Variants in SLC30A7 observed in about 807,000 individuals in gnomAD.
SLC30A7 encodes solute carrier family 30 member 7.
In SLC30A7, 35 loss-of-function variants were observed where a neutral mutation model predicts 46.0. The observed-to-expected ratio is 0.76, with a 90% CI of 0.58 to 1.01. The LOEUF is 1.01. Among genes scored for constraint, SLC30A7 ranks in the 50% least tolerant of loss-of-function variants. The pLI, the probability that SLC30A7 is intolerant of heterozygous loss-of-function variation, is 0.00. For synonymous variants in SLC30A7, 147 were observed against 157.8 expected, an observed-to-expected ratio of 0.93 and a Z score of 0.51; for missense variants, 464 against 451.1, an observed-to-expected ratio of 1.03 and a Z score of -0.26.
At chr1:100,916,186 TA>T (rs1283478812) in intron 6 of SLC30A7, among the ~76,000 whole-genome samples, 1 of 151,960 alleles carries the variant, frequency 6.6e-6, no homozygotes, top group African/African-American at 2.4e-5. Flanking sequence ...TCTTATTATT[TA>T]TTTATTTATT....
chr1:100,958,718 A>G (rs1421921016), intron 8 of SLC30A7, among the ~76,000 whole-genome samples: 1 of 152,228 alleles, frequency 6.6e-6, no homozygotes, highest in Non-Finnish European at 1.5e-5. Flanking sequence ...TAACAGATTC[A>G]GCTACAAATT....
intron 8 of SLC30A7, among the ~76,000 whole-genome samples, chr1:100,940,792 T>C (rs1025044161): frequency 5.3e-5 from 8 of 152,224 alleles, no homozygotes; most frequent in Non-Finnish European, 1.2e-4. Flanking sequence ...CCACAGAACA[T>C]AAACTAAGAT....
chr1:100,966,628 CAG>C (rs1655893763), intron 10 of SLC30A7, among the ~76,000 whole-genome samples: 1 of 151,672 alleles, frequency 6.6e-6, no homozygotes, highest in South Asian at 2.1e-4. Context: ...CGAACACAGA[CAG>C]AGTCAAGTTT....
In SLC30A7 at chr1:100,913,691, T is replaced by G; in HGVS notation, c.540T>G (p.Asn180Lys). The change falls in exon 6 of 11, where the codon AAT (asparagine) becomes AAG (lysine). Residue 180 changes from asparagine to lysine, a missense_variant. Physicochemically the swap from Asn to Lys is moderately conservative, Grantham distance 94. Coordinates refer to ENST00000357650, the MANE Select transcript of SLC30A7 (RefSeq NM_133496.5). ...ACGGACACAGTCATTCCCTCTTTAATGGTGCTCTAGATCAGGCACATGGCC... is the reference window on the plus strand; with the variant it reads ...ACGGACACAGTCATTCCCTCTTTAAGGGTGCTCTAGATCAGGCACATGGCC... The part of the protein sequence containing the change: ...SGHGHSHSLF[N>K]GALDQAHGHV... 1 of 1,613,940 alleles carries G rather than the reference T, an allele frequency of 6.2e-7. No individual in the cohort carries two copies. Among genetic ancestry groups the G allele is most frequent in the Non-Finnish European group, 8.5e-7 (1 of 1,179,826 alleles).
chr1:100,990,353 C>A, the SLC30A7 span: 1 of 1,528,496 alleles, frequency 6.5e-7, no homozygotes, highest in South Asian at 1.1e-5. Context: ...ACATCCAAAC[C>A]ATATCAATCC....
chr1:100,957,416 T>C (rs1215919766), intron 8 of SLC30A7, among the ~76,000 whole-genome samples: 2 of 152,268 alleles, frequency 1.3e-5, no homozygotes, highest in Non-Finnish European at 2.9e-5. Context: ...ATATTTTCTT[T>C]CATTTCCAAA....
intron 2 of SLC30A7, among the ~76,000 whole-genome samples, chr1:100,898,233 C>T (rs145451321): frequency 0.016 from 2,499 of 152,268 alleles, 34 homozygotes; most frequent in Middle Eastern, 0.037. Context: ...ACATAAGTCA[C>T]TCTGTGAAAT....
chr1:100,987,001 C>T, the SLC30A7 span, among the ~76,000 whole-genome samples: 1 of 152,248 alleles, frequency 6.6e-6, no homozygotes, highest in East Asian at 1.9e-4. Context: ...TCATCCTTTC[C>T]CTGCTGAGTA....
the SLC30A7 span, among the ~76,000 whole-genome samples, chr1:100,988,164 C>T: frequency 1.3e-5 from 2 of 152,116 alleles, no homozygotes; most frequent in East Asian, 1.9e-4. Context: ...ATTTCTGACA[C>T]CTTCATTTCT....
chr1:100,923,097 G>A (rs1653056989), intron 8 of SLC30A7, among the ~76,000 whole-genome samples: 1 of 97,012 alleles, frequency 1.0e-5, no homozygotes, highest in Non-Finnish European at 2.2e-5. Context: ...CTCACTGCAG[G>A]CTCCGCCCCC....
intron 8 of SLC30A7, among the ~76,000 whole-genome samples, chr1:100,956,173 AAT>A (rs1655209108): frequency 6.6e-6 from 1 of 152,122 alleles, no homozygotes; most frequent in Non-Finnish European, 1.5e-5. Flanking sequence ...TTAATTTTAA[AAT>A]ATATGTTTAT....
intron 8 of SLC30A7, among the ~76,000 whole-genome samples, chr1:100,954,404 T>A (rs566233034): frequency 1.3e-5 from 2 of 152,184 alleles, no homozygotes. Flanking sequence ...AGGATTAAAT[T>A]AAAAAAAATT....
chr1:100,946,068 A>C (rs1654618057), intron 8 of SLC30A7, among the ~76,000 whole-genome samples: 1 of 152,202 alleles, frequency 6.6e-6, no homozygotes, highest in Non-Finnish European at 1.5e-5. Context: ...AAGTTCACTC[A>C]TGATTTGGCT....
intron 8 of SLC30A7, among the ~76,000 whole-genome samples, chr1:100,961,167 TA>T (rs1655530788): frequency 6.6e-6 from 1 of 151,882 alleles, no homozygotes; most frequent in Non-Finnish European, 1.5e-5. Flanking sequence ...TTCACCGTGT[TA>T]GCCAGGATGG....
chr1:100,906,591 A>G (rs543597541), intron 2 of SLC30A7, among the ~76,000 whole-genome samples: 23 of 152,174 alleles, frequency 1.5e-4, no homozygotes, highest in South Asian at 4.2e-4. Flanking sequence ...GAGTGGTCAC[A>G]TTCCTACCCC....
intron 10 of SLC30A7, among the ~76,000 whole-genome samples, chr1:100,968,848 T>G (rs1251035678): frequency 3.9e-5 from 6 of 152,242 alleles, no homozygotes; most frequent in African/African-American, 1.4e-4. Context: ...ATAATGAATT[T>G]GTTATATAAA....
intron 8 of SLC30A7, among the ~76,000 whole-genome samples, chr1:100,940,322 A>G (rs1444881712): frequency 1.3e-5 from 2 of 152,242 alleles, no homozygotes; most frequent in Non-Finnish European, 2.9e-5. Flanking sequence ...AAAAGAAGGC[A>G]TGGCTGAAAT....
Position 100,975,791 on chromosome 1 carries a change from G to T in SLC30A7, c.*934G>T, listed in dbSNP as rs988025802. 1.4e-5 allele frequency: 2 copies of T among 146,882 alleles called. No homozygotes were observed. The highest frequency in any genetic ancestry group is 5.1e-5 in the African/African-American group (2 of 39,582). The allele number at this position is 146,882 out of a possible 1,614,324, so 9.1% of individuals were successfully genotyped here. On this transcript the variant is annotated 3_prime_UTR_variant, in exon 11 of 11. Coordinates refer to ENST00000357650, the MANE Select transcript of SLC30A7 (RefSeq NM_133496.5). ...TCCGTCCACCTCAGCCTCCCAAAGT[G>T]CTGGGATTACAGGTGTGAGCCACCA...
At chr1:100,948,298 T>C (rs1248751312) in intron 8 of SLC30A7, among the ~76,000 whole-genome samples, 1 of 152,216 alleles carries the variant, frequency 6.6e-6, no homozygotes, top group Non-Finnish European at 1.5e-5. Flanking sequence ...CCTTCGCTTA[T>C]GAAGCTTAGT....
Sources: gnomAD v4.1 joint callset for allele counts (sites outside exome capture counted in the v4.1 genomes callset) on GRCh38, gnomAD v4.1.1 for gene constraint, MANE v1.5 for transcripts, NCBI Gene and HGNC (gene_info 2026-07-23, HGNC 2026-07-21) for gene names.